Variants in ARFGAP3 observed in about 807,000 individuals in gnomAD.
The protein encoded by ARFGAP3 is ADP-ribosylation factor GTPase-activating protein 3.
In ARFGAP3, 72 loss-of-function variants were observed where a neutral mutation model predicts 75.0. The observed-to-expected ratio is 0.96, with a 90% CI of 0.79 to 1.17. The LOEUF is 1.17. Among genes scored for constraint, ARFGAP3 ranks in the 50% most tolerant of loss-of-function variants. ARFGAP3 has a pLI of 0.00. For synonymous variants in ARFGAP3, 221 were observed against 217.9 expected, an observed-to-expected ratio of 1.01 and a Z score of -0.13; for missense variants, 620 against 626.6, an observed-to-expected ratio of 0.99 and a Z score of 0.11.
chr22:42,834,754 T>C (rs945541754), intron 4 of ARFGAP3, among the ~76,000 whole-genome samples: 1 of 152,250 alleles, frequency 6.6e-6, no homozygotes. Flanking sequence ...AAGAAGCACA[T>C]TCTCAGCTGA....
intron 10 of ARFGAP3, 106 bp downstream of exon 10, chr22:42,817,623 A>T: frequency 1.0e-6 from 1 of 953,854 alleles, no homozygotes; most frequent in Non-Finnish European, 1.5e-6. Context: ...GTTAATGAAT[A>T]ACAAAAAAAA....
intron 6 of ARFGAP3, among the ~76,000 whole-genome samples, chr22:42,831,165 T>C (rs1926266345): frequency 6.6e-6 from 1 of 151,478 alleles, no homozygotes; most frequent in South Asian, 2.1e-4. Context: ...TGCATGTCTG[T>C]AATCCCAGCT....
At chr22:42,815,874 A>C (rs8139278) in intron 11 of ARFGAP3, among the ~76,000 whole-genome samples, 55,969 of 152,124 alleles carry the variant, frequency 0.37, 11,192 homozygotes, top group Non-Finnish European at 0.45. Flanking sequence ...GCACTTTGGG[A>C]GGCTGAGGCC....
At chr22:42,825,747 T>C (rs1183496391) in intron 7 of ARFGAP3, among the ~76,000 whole-genome samples, 1 of 152,040 alleles carries the variant, frequency 6.6e-6, no homozygotes, top group African/African-American at 2.4e-5. Flanking sequence ...CTTTCTAAAT[T>C]GCACAAAAAT....
chr22:42,837,634 A>T (rs1307194056), intron 3 of ARFGAP3, among the ~76,000 whole-genome samples: 2 of 148,972 alleles, frequency 1.3e-5, no homozygotes, highest in African/African-American at 5.0e-5. Flanking sequence ...AAAAAAAAAA[A>T]AAAAACCAAA....
chr22:42,801,761 C>T (rs781149773), intron 14 of ARFGAP3, among the ~76,000 whole-genome samples: 5 of 152,196 alleles, frequency 3.3e-5, no homozygotes, highest in African/African-American at 7.2e-5. Flanking sequence ...GGCTGTCAGG[C>T]GCCAAGGGCA....
rs141230224 is a variant in ARFGAP3 at position 42,807,148 on chromosome 22, G to A, written c.1336C>T (p.Arg446Cys). The A allele has an allele frequency of 1.6e-4, 252 of 1,612,054 alleles. No individual in the cohort carries two copies. Among genetic ancestry groups the A allele is most frequent in the Non-Finnish European group, 1.9e-4 (229 of 1,179,072 alleles). Reference sequence around the variant, plus strand: ...GAACTTGCCGACAGCCTCTCTAGGCGGGCCCTGGTCTCATACTAGAGAAGA... The same window carrying A: ...GAACTTGCCGACAGCCTCTCTAGGCAGGCCCTGGTCTCATACTAGAGAAGA... ...QSQADYETRA[R>C]LERLSASSSI... The change falls in exon 14 of 16, where the codon CGC (arginine) becomes TGC (cysteine). Residue 446 changes from arginine (R) to cysteine (C), a missense_variant. Transcript: ENST00000263245.
At chr22:42,817,968 C>T (rs1925653230) in intron 9 of ARFGAP3, 111 bp from the exon 10 acceptor site, 5 of 1,286,972 alleles carry the variant, frequency 3.9e-6, no homozygotes, top group Middle Eastern at 5.7e-4. Flanking sequence ...ATGATTCTTT[C>T]CATAATTAAC....
At chr22:42,818,022 A>C in intron 9 of ARFGAP3, 165 bp from the exon 10 acceptor site, 1 of 591,364 alleles carries the variant, frequency 1.7e-6, no homozygotes, top group Non-Finnish European at 2.1e-6. Flanking sequence ...GCCTTTTTTG[A>C]ACAGACGTTT....
intron 15 of ARFGAP3, 93 bp downstream of exon 15, chr22:42,798,946 G>T (rs1160608526): frequency 1.9e-6 from 2 of 1,051,058 alleles, no homozygotes; most frequent in Non-Finnish European, 1.5e-6. Context: ...ATATATAATT[G>T]AATTTTCCAG....
At chr22:42,834,347 G>A (rs776521477) in intron 4 of ARFGAP3, 22 bp from the exon 5 acceptor site, 2 of 1,609,580 alleles carry the variant, frequency 1.2e-6, no homozygotes, top group African/African-American at 1.3e-5. Flanking sequence ...AAACAACACA[G>A]GGCTGAGCAT....
chr22:42,842,976 G>C lies in ARFGAP3; in HGVS notation c.189-1960C>G, dbSNP rs548477866. Among the ~76,000 whole-genome samples the C allele has an allele frequency of 3.3e-5, 5 of 152,134 alleles. No homozygotes were observed. The South Asian group carries it at 6.2e-4, about 19-fold the overall frequency. ...CTCGCTCCTGCCAACACCCTGTACG[G>C]CAGGTCCTAGTATTCTCACCCTCAC... On this transcript the variant is annotated intron_variant, in intron 2 of 15. Transcript: ENST00000263245.
intron 6 of ARFGAP3, among the ~76,000 whole-genome samples, chr22:42,829,544 T>C (rs991085449): frequency 4.2e-5 from 5 of 119,932 alleles, no homozygotes; most frequent in Admixed American, 8.3e-5. Flanking sequence ...AAAAAAAGAA[T>C]GTGGAAAAAA....
intron 4 of ARFGAP3, among the ~76,000 whole-genome samples, chr22:42,835,080 C>T (rs1926457875): frequency 6.6e-6 from 1 of 152,124 alleles, no homozygotes; most frequent in African/African-American, 2.4e-5. Context: ...AATAGAAACA[C>T]ATGTTAAATA....
chr22:42,845,759 G>A (rs895600132), intron 2 of ARFGAP3, among the ~76,000 whole-genome samples: 2 of 151,858 alleles, frequency 1.3e-5, no homozygotes, highest in African/African-American at 4.8e-5. Flanking sequence ...AGAAGGCAAG[G>A]CCAGGCACAG....
chr22:42,828,747 C>T (rs1042652613), intron 6 of ARFGAP3, among the ~76,000 whole-genome samples: 1 of 131,978 alleles, frequency 7.6e-6, no homozygotes, highest in Non-Finnish European at 1.6e-5. Flanking sequence ...TGTAGTGGTG[C>T]GAACTCGGCT....
intron 6 of ARFGAP3, 73 bp downstream of exon 6, chr22:42,831,476 T>C: frequency 6.7e-7 from 1 of 1,493,974 alleles, no homozygotes; most frequent in Non-Finnish European, 9.2e-7. Flanking sequence ...CTGGCCCATC[T>C]TAATTTTTAA....
intron 3 of ARFGAP3, among the ~76,000 whole-genome samples, chr22:42,838,290 A>ATATTTT (rs1555899059): frequency 0.012 from 1,634 of 137,140 alleles, 13 homozygotes; most frequent in East Asian, 0.031. Context: ...ATATATATAT[A>ATATTTT]TTTTTTTTTT....
At chr22:42,815,691 C>CA (rs1925546748) in intron 11 of ARFGAP3, among the ~76,000 whole-genome samples, 1 of 152,200 alleles carries the variant, frequency 6.6e-6, no homozygotes, top group Non-Finnish European at 1.5e-5. Flanking sequence ...CTAATGCCCT[C>CA]AGAGACATAA....
Sources: allele counts gnomAD v4.1 joint callset (sites outside exome capture counted in the v4.1 genomes callset), GRCh38; gene constraint gnomAD v4.1.1; transcripts MANE v1.5; gene names NCBI Gene and HGNC (gene_info 2026-07-23, HGNC 2026-07-21).